The following CDKAL1 variants were observed in gnomAD, a reference collection of about 807,000 sequenced individuals.
The protein encoded by CDKAL1 is threonylcarbamoyladenosine tRNA methylthiotransferase.
CDKAL1 carries 32 observed loss-of-function variants against 68.2 expected under a neutral mutation model. That is an observed-to-expected ratio of 0.47 (90% CI 0.35 to 0.63). The LOEUF (loss-of-function observed/expected upper bound fraction) is 0.63. CDKAL1 is among the 30% of genes least tolerant of loss of function. CDKAL1 has a pLI of 0.00. For synonymous variants in CDKAL1, 234 were observed against 244.3 expected, an observed-to-expected ratio of 0.96 and a Z score of 0.39; for missense variants, 606 against 696.7, an observed-to-expected ratio of 0.87 and a Z score of 1.47.
intron 13 of CDKAL1, among the ~76,000 whole-genome samples, chr6:21,132,547 A>G (rs1775383644): frequency 6.6e-6 from 1 of 152,176 alleles, no homozygotes; most frequent in South Asian, 2.1e-4. Context: ...CTTGTACAAA[A>G]GTAAAAGCTG....
At chr6:21,024,024 G>C (rs1768822202) in intron 11 of CDKAL1, among the ~76,000 whole-genome samples, 1 of 151,994 alleles carries the variant, frequency 6.6e-6, no homozygotes, top group African/African-American at 2.4e-5. Context: ...TTATTAATTT[G>C]TAAATAAATA....
intron 8 of CDKAL1, among the ~76,000 whole-genome samples, chr6:20,783,824 C>G (rs1581573359): frequency 6.6e-6 from 1 of 152,164 alleles, no homozygotes; most frequent in South Asian, 2.1e-4. Flanking sequence ...GTGTTTAGTA[C>G]AAAGTGAGTA....
At chr6:20,589,487 T>C (rs770539817) in intron 4 of CDKAL1, among the ~76,000 whole-genome samples, 3 of 152,214 alleles carry the variant, frequency 2.0e-5, no homozygotes, top group Non-Finnish European at 2.9e-5. Flanking sequence ...TTTCTGTTTC[T>C]TTAACTCTAT....
At chr6:20,832,466 T>A (rs1023001777) in intron 8 of CDKAL1, among the ~76,000 whole-genome samples, 1 of 150,662 alleles carries the variant, frequency 6.6e-6, no homozygotes, top group African/African-American at 2.4e-5. Flanking sequence ...AGACCCTGTC[T>A]CTAATTAAAA....
At chr6:20,920,909 A>T (rs1456495377) in intron 9 of CDKAL1, among the ~76,000 whole-genome samples, 1 of 152,176 alleles carries the variant, frequency 6.6e-6, no homozygotes, top group Non-Finnish European at 1.5e-5. Context: ...TATGGCCCTA[A>T]CTGCTAAATG....
chr6:21,150,674 A>G (rs1033040493), intron 13 of CDKAL1, among the ~76,000 whole-genome samples: 3 of 152,238 alleles, frequency 2.0e-5, no homozygotes, highest in Non-Finnish European at 4.4e-5. Flanking sequence ...AAATGGCTTC[A>G]TATAATTCCC....
chr6:20,538,908 G>A (rs1763279804), intron 2 of CDKAL1, among the ~76,000 whole-genome samples: 1 of 152,184 alleles, frequency 6.6e-6, no homozygotes, highest in Non-Finnish European at 1.5e-5. Flanking sequence ...ATTGTTAGAG[G>A]TGTTGTAGAG....
chr6:20,686,365 G>A (rs1419419278), intron 5 of CDKAL1, among the ~76,000 whole-genome samples: 1 of 152,034 alleles, frequency 6.6e-6, no homozygotes, highest in East Asian at 1.9e-4. Flanking sequence ...ATTACCACCT[G>A]AGCTCCGCCT....
chr6:20,804,704 T>G (rs1295182011), intron 8 of CDKAL1, among the ~76,000 whole-genome samples: 2 of 152,120 alleles, frequency 1.3e-5, no homozygotes, highest in Non-Finnish European at 2.9e-5. Context: ...AAAGAGTCAA[T>G]AGAGCAGGTC....
intron 12 of CDKAL1, among the ~76,000 whole-genome samples, chr6:21,076,988 G>C (rs1172202253): frequency 1.8e-4 from 27 of 152,100 alleles, no homozygotes. Context: ...GATTATAATA[G>C]AAAGATAGTT....
chr6:21,062,248 AT>A (rs1156494308), intron 11 of CDKAL1, among the ~76,000 whole-genome samples: 3 of 152,180 alleles, frequency 2.0e-5, no homozygotes, highest in African/African-American at 7.2e-5. Flanking sequence ...AGTTTCTAAG[AT>A]TTATTTTTAA....
intron 12 of CDKAL1, among the ~76,000 whole-genome samples, chr6:21,099,563 C>T (rs1173220495): frequency 1.3e-5 from 2 of 151,920 alleles, no homozygotes; most frequent in Admixed American, 1.3e-4. Context: ...CACAGGTAGT[C>T]CAGGAAAGAA....
chr6:21,006,120 T>C (rs1030756421), intron 11 of CDKAL1, among the ~76,000 whole-genome samples: 8 of 152,152 alleles, frequency 5.3e-5, no homozygotes, highest in African/African-American at 1.7e-4. Context: ...ATTATTAACA[T>C]CCTGAGTAAT....
chr6:21,126,853 G>A (rs1047531469), intron 13 of CDKAL1, among the ~76,000 whole-genome samples: 1 of 152,096 alleles, frequency 6.6e-6, no homozygotes, highest in African/African-American at 2.4e-5. Flanking sequence ...AACTGTCAAG[G>A]TAGTTTTTGC....
At chr6:20,537,070 C>T (rs371243148) in intron 2 of CDKAL1, among the ~76,000 whole-genome samples, 7 of 152,066 alleles carry the variant, frequency 4.6e-5, no homozygotes, top group Non-Finnish European at 7.4e-5. Context: ...GACAGAGTCT[C>T]GCTCTGTCGC....
At chr6:20,913,405 T>C (rs1203733170) in intron 9 of CDKAL1, among the ~76,000 whole-genome samples, 2 of 152,100 alleles carry the variant, frequency 1.3e-5, no homozygotes, top group Non-Finnish European at 2.9e-5. Context: ...GATGGAAGCT[T>C]CCCTCAGTTT....
At chr6:20,566,658 G>T (rs888428563) in intron 4 of CDKAL1, among the ~76,000 whole-genome samples, 9 of 152,044 alleles carry the variant, frequency 5.9e-5, no homozygotes, top group African/African-American at 2.2e-4. Context: ...TTTAATATCA[G>T]TGAGAAAATA....
At chr6:20,828,430 T>C (rs1777586960) in intron 8 of CDKAL1, among the ~76,000 whole-genome samples, 2 of 151,982 alleles carry the variant, frequency 1.3e-5, no homozygotes, top group Admixed American at 1.3e-4. Context: ...GGTTTTGCCA[T>C]GTTGGCCAGG....
chr6:20,603,768 ATTTTTTT>A (rs745786047), intron 4 of CDKAL1, among the ~76,000 whole-genome samples: 239 of 85,222 alleles, frequency 2.8e-3, no homozygotes, highest in African/African-American at 9.7e-3. Flanking sequence ...CAGTTGCTAA[ATTTTTTT>A]TTTTTTTTTT....
Sources: gnomAD v4.1 joint callset for allele counts (sites outside exome capture counted in the v4.1 genomes callset) on GRCh38, gnomAD v4.1.1 for gene constraint, MANE v1.5 for transcripts, NCBI Gene and HGNC (gene_info 2026-07-23, HGNC 2026-07-21) for gene names.